The following P2RY8 variants were observed in gnomAD, a reference collection of about 807,000 sequenced individuals.
The protein encoded by P2RY8 is S-geranylgeranyl-glutathione receptor P2RY8.
P2RY8 carries 6 observed loss-of-function variants against 10.0 expected under a neutral mutation model. That is an observed-to-expected ratio of 0.60 (90% CI 0.33 to 1.19). The LOEUF is 1.19. P2RY8 is among the 50% of genes most tolerant of loss of function. The pLI is 0.04. For missense variants in P2RY8, 456 were observed against 542.0 expected, an observed-to-expected ratio of 0.84 and a Z score of 1.58; for synonymous variants, 276 against 252.5, an observed-to-expected ratio of 1.09 and a Z score of -0.88.
intron 1 of P2RY8, among the ~76,000 whole-genome samples, chrX:1,493,731 G>A (rs1320364797): frequency 6.6e-6 from 1 of 152,110 alleles, no homozygotes; most frequent in Non-Finnish European, 1.5e-5. Flanking sequence ...TGTACCCCTC[G>A]TCAAAGGAAC....
At chrX:1,515,112 T>G (rs1222340602) in intron 1 of P2RY8, among the ~76,000 whole-genome samples, 2 of 151,268 alleles carry the variant, frequency 1.3e-5, no homozygotes, top group East Asian at 3.9e-4. Flanking sequence ...TTTCACCATA[T>G]GTTGCCCAGG....
At chrX:1,473,091 G>T (rs1272012972) in intron 1 of P2RY8, among the ~76,000 whole-genome samples, 4 of 150,686 alleles carry the variant, frequency 2.7e-5, no homozygotes, top group African/African-American at 9.8e-5. Flanking sequence ...ATAACTGGAA[G>T]TGTGGGTGGA....
chrX:1,521,555 C>T (rs1239350021), intron 1 of P2RY8, among the ~76,000 whole-genome samples: 1 of 152,152 alleles, frequency 6.6e-6, no homozygotes. Flanking sequence ...TCAGCAGGAA[C>T]CTTGGCATCA....
chrX:1,465,324 G>A lies in P2RY8; in HGVS notation c.*155C>T. 4 of 1,260,082 alleles carry A rather than the reference G, an allele frequency of 3.2e-6. No homozygotes were observed. Among genetic ancestry groups the A allele is most frequent in the Middle Eastern group, 2.8e-4 (1 of 3,590 alleles). The allele number at this position is 1,260,082 out of a possible 1,614,324, so 78.1% of individuals were successfully genotyped here. On this transcript the variant is annotated 3_prime_UTR_variant, in exon 2 of 2. Transcript: ENST00000381297. ...CTCACCGGTGCCTCTGCAGTGCCTGGGAGGAATAAAGCCTGGAGACCCTTC... is the reference window on the plus strand; with the variant it reads ...CTCACCGGTGCCTCTGCAGTGCCTGAGAGGAATAAAGCCTGGAGACCCTTC...
intron 1 of P2RY8, among the ~76,000 whole-genome samples, chrX:1,497,619 C>T (rs1346003423): frequency 2.0e-5 from 3 of 147,862 alleles, no homozygotes; most frequent in Admixed American, 6.8e-5. Context: ...GACCGTGCCA[C>T]GGCACTCCAG....
chrX:1,477,304 G>GACAATCA (rs1355487396), intron 1 of P2RY8, among the ~76,000 whole-genome samples: 8 of 46,552 alleles, frequency 1.7e-4, no homozygotes, highest in South Asian at 1.0e-3. Context: ...TATATCAATC[G>GACAATCA]TCTTGCAACC....
In P2RY8 at chrX:1,464,197, C is replaced by T. The variant is rs1330978924; in HGVS notation, c.*1282G>A. The T allele has an allele frequency of 5.1e-5, 12 of 233,416 alleles. No homozygotes were observed. Among genetic ancestry groups the T allele is most frequent in the East Asian group, 1.2e-4 (2 of 16,594 alleles). 14.5% of individuals were successfully genotyped at this position (233,416 alleles called of 1,614,324 possible). On this transcript the variant is annotated 3_prime_UTR_variant, in exon 2 of 2. Transcript: ENST00000381297. ...CTCCCACCTCCAGAATGGTCTTTCTCGCCCAAGAGAGCCTGGGATCCAATT... is the reference window on the plus strand; with the variant it reads ...CTCCCACCTCCAGAATGGTCTTTCTTGCCCAAGAGAGCCTGGGATCCAATT...
chrX:1,533,154 G>C (rs2092493087), intron 1 of P2RY8, among the ~76,000 whole-genome samples: 1 of 150,776 alleles, frequency 6.6e-6, no homozygotes, highest in Admixed American at 6.6e-5. Context: ...TTGGGTGACG[G>C]ATACCCTGAA....
Position 1,464,521 on chromosome X carries a change from C to T in P2RY8, c.*958G>A, listed in dbSNP as rs1160532378. The T allele has an allele frequency of 5.1e-5, 12 of 233,310 alleles. No individual in the cohort carries two copies. Among genetic ancestry groups the T allele is most frequent in the Admixed American group, 2.3e-4 (4 of 17,760 alleles). 14.5% of individuals were successfully genotyped at this position (233,310 alleles called of 1,614,324 possible). The stretch of plus-strand genomic sequence containing the variant: ...AGGCTCTCCATGGGGTAAAAGGACG[C>T]GGAGAATGGGCAGGAGGTGGGGAAC... On this transcript the variant is annotated 3_prime_UTR_variant, in exon 2 of 2. Transcript: ENST00000381297.
At position 1,465,213 on chromosome X, in the gene P2RY8, A is replaced by G. The variant is rs2091647014; in HGVS notation, c.*266T>C. ...GCTGTCCCCTGACACAGAGAGGCAG[A>G]GGCACCCTCTGCAGGATAACAAGCA... On this transcript the variant is annotated 3_prime_UTR_variant, in exon 2 of 2. Transcript: ENST00000381297. 2 of 533,726 alleles carry G rather than the reference A, an allele frequency of 3.7e-6. No individual in the cohort carries two copies. Among genetic ancestry groups the G allele is most frequent in the South Asian group, 3.0e-5 (1 of 33,002 alleles). The allele number at this position is 533,726 out of a possible 1,614,324, so 33.1% of individuals were successfully genotyped here. A position where few individuals can be genotyped will look rare whatever the true frequency, so the allele number is the denominator to read the frequency against.
intron 1 of P2RY8, among the ~76,000 whole-genome samples, chrX:1,524,557 GCATCCATCCATCCATC>G (rs1245241515): frequency 7.7e-5 from 5 of 64,958 alleles, no homozygotes; most frequent in Admixed American, 4.7e-4. Context: ...ATCCATGCAT[GCATCCATCCATCCATC>G]CATCCATCCA....
intron 1 of P2RY8, among the ~76,000 whole-genome samples, chrX:1,488,488 C>T (rs2092007854): frequency 1.3e-5 from 2 of 152,184 alleles, no homozygotes; most frequent in Admixed American, 1.3e-4. Flanking sequence ...GCCCATGCAG[C>T]TCCTTATGCC....
At chrX:1,486,292 CA>C (rs1368125384) in intron 1 of P2RY8, among the ~76,000 whole-genome samples, 2 of 152,128 alleles carry the variant, frequency 1.3e-5, no homozygotes, top group Non-Finnish European at 2.9e-5. Context: ...TCACAACAGC[CA>C]AAAGGTGGAA....
intron 1 of P2RY8, among the ~76,000 whole-genome samples, chrX:1,518,444 AT>A (rs2092367654): frequency 1.4e-5 from 2 of 148,110 alleles, no homozygotes; most frequent in Admixed American, 6.7e-5. Flanking sequence ...AAAAATAATA[AT>A]AATATAATAA....
intron 1 of P2RY8, among the ~76,000 whole-genome samples, chrX:1,520,624 G>A (rs773728095): frequency 6.6e-6 from 1 of 151,314 alleles, no homozygotes; most frequent in Non-Finnish European, 1.5e-5. Flanking sequence ...TCCTCTCCCT[G>A]ATCCCCAATA....
At chrX:1,528,835 T>C (rs1238213521) in intron 1 of P2RY8, among the ~76,000 whole-genome samples, 1 of 152,028 alleles carries the variant, frequency 6.6e-6, no homozygotes, top group Admixed American at 6.6e-5. Flanking sequence ...TTTGAATGAG[T>C]GTGGATTTGA....
Position 1,465,536 on chromosome X carries a change from A to G in P2RY8, c.1023T>C (p.Pro341=). The G allele has an allele frequency of 6.2e-7, 1 of 1,611,848 alleles. No individual in the cohort carries two copies. The highest frequency in any genetic ancestry group is 8.5e-7 in the Non-Finnish European group (1 of 1,179,594). The change falls in exon 2 of 2, where the codon CCT becomes CCC. Residue 341 remains proline (P), a synonymous_variant. Transcript: ENST00000381297. ...GCCTGGTGGCTCCCTCCATCCCTTC[A>G]GGGTGCGCACCGGCCTCGGAGCGCA... The part of the protein sequence containing the change: ...TSVRSEAGAH[P]EGMEGATRPG...
intron 1 of P2RY8, among the ~76,000 whole-genome samples, chrX:1,529,569 G>A (rs1476171006): frequency 6.6e-6 from 1 of 152,064 alleles, no homozygotes; most frequent in Non-Finnish European, 1.5e-5. Context: ...GCACAGGATA[G>A]GCTCAACACA....
In P2RY8 at chrX:1,463,833, T is replaced by A. The variant is rs1210399131; in HGVS notation, c.*1646A>T. The A allele has an allele frequency of 1.3e-5, 3 of 233,170 alleles. No homozygotes were observed. Among genetic ancestry groups the A allele is most frequent in the Non-Finnish European group, 2.5e-5 (3 of 118,084 alleles). 14.4% of individuals were successfully genotyped at this position (233,170 alleles called of 1,614,324 possible). A position where few individuals can be genotyped will look rare whatever the true frequency, so the allele number is the denominator to read the frequency against. On this transcript the variant is annotated 3_prime_UTR_variant, in exon 2 of 2. Coordinates refer to ENST00000381297, the MANE Select transcript of P2RY8 (RefSeq NM_178129.5). Reference sequence around the variant, plus strand: ...TGTGGCCTCCTGCTTTGTGTCTGTGTCTCCTCTTCCGTCTCTCATAGGGAC... The same window carrying A: ...TGTGGCCTCCTGCTTTGTGTCTGTGACTCCTCTTCCGTCTCTCATAGGGAC...
Sources: gnomAD v4.1 joint callset for allele counts (sites outside exome capture counted in the v4.1 genomes callset) on GRCh38, gnomAD v4.1.1 for gene constraint, MANE v1.5 for transcripts, NCBI Gene and HGNC (gene_info 2026-07-23, HGNC 2026-07-21) for gene names.